Variants in RC3H1 observed in about 807,000 individuals in gnomAD.
RC3H1 encodes ring finger and CCCH-type domains 1, also known as roquin-1.
RC3H1 carries 50 observed loss-of-function variants against 138.2 expected under a neutral mutation model. The ratio of observed to expected loss-of-function variants is 0.36; its 90% confidence interval spans 0.29 to 0.46. The LOEUF is 0.46. Among genes scored for constraint, RC3H1 ranks in the 20% least tolerant of loss-of-function variants. RC3H1 has a pLI of 1.00. For missense variants in RC3H1, 1,031 were observed against 1,388.1 expected (o/e 0.74, Z 4.09); for synonymous variants, 462 against 489.1 (o/e 0.94, Z 0.73).
intron 18 of RC3H1, among the ~76,000 whole-genome samples, chr1:173,942,725 G>C (rs1328994604): frequency 6.6e-6 from 1 of 151,922 alleles, no homozygotes; most frequent in Non-Finnish European, 1.5e-5. Context: ...AGCTACTTGG[G>C]AGGCTGAGGT....
intron 1 of RC3H1, among the ~76,000 whole-genome samples, chr1:174,012,251 T>C: frequency 6.6e-6 from 1 of 151,594 alleles, no homozygotes; most frequent in African/African-American, 2.4e-5. Context: ...ATAGGTAACA[T>C]ATGAAGGGAC....
At chr1:173,992,223 C>A (rs1036377199) in intron 2 of RC3H1, among the ~76,000 whole-genome samples, 1 of 152,204 alleles carries the variant, frequency 6.6e-6, no homozygotes, top group African/African-American at 2.4e-5. Flanking sequence ...CGGCTCACTG[C>A]AACCTCTGCC....
Position 173,993,085 on chromosome 1 carries a change from T to TCAAAGA in RC3H1, c.-101_-100insTCTTTG. On this transcript the variant is annotated 5_prime_UTR_variant, in exon 2 of 20. Coordinates refer to ENST00000367696, the MANE Select transcript of RC3H1 (RefSeq NM_172071.4). ...CTTTGAAAAAAAGTTTATCTTTTTT[T>TCAAAGA]TTTTTAAATATCTTCTGTAGATACA... 2.4e-6 allele frequency: 2 copies of TCAAAGA among 847,362 alleles called. No individual in the cohort carries two copies. The highest frequency in any genetic ancestry group is 3.7e-6 in the Non-Finnish European group (2 of 538,298). 52.5% of individuals were successfully genotyped at this position (847,362 alleles called of 1,614,324 possible). A position where few individuals can be genotyped will look rare whatever the true frequency, so the allele number is the denominator to read the frequency against.
At chr1:173,991,430 T>C (rs573123122) in intron 2 of RC3H1, among the ~76,000 whole-genome samples, 22 of 152,340 alleles carry the variant, frequency 1.4e-4, no homozygotes, top group African/African-American at 5.3e-4. Flanking sequence ...TTGTTTTTAT[T>C]TTTTACTTCT....
At chr1:174,004,041 A>G (rs975543800) in intron 1 of RC3H1, among the ~76,000 whole-genome samples, 34 of 147,690 alleles carry the variant, frequency 2.3e-4, no homozygotes, top group African/African-American at 7.8e-4. Context: ...AAATTATTTT[A>G]TATATATGAT....
chr1:173,976,569 A>G (rs1051619538), intron 7 of RC3H1, among the ~76,000 whole-genome samples: 1 of 152,210 alleles, frequency 6.6e-6, no homozygotes, highest in African/African-American at 2.4e-5. Flanking sequence ...GTTTGGATAG[A>G]GCAGTGGAGA....
intron 1 of RC3H1, among the ~76,000 whole-genome samples, chr1:173,993,574 G>A (rs1422822760): frequency 1.3e-5 from 2 of 151,718 alleles, no homozygotes; most frequent in Non-Finnish European, 2.9e-5. Flanking sequence ...TGTATTTTTA[G>A]TAGAGACGGG....
rs150406996 is a variant in RC3H1 at position 173,972,866 on chromosome 1, T to C, written c.1103-239A>G. Among the ~76,000 whole-genome samples, 254 of 152,270 alleles carry C rather than the reference T, an allele frequency of 1.7e-3. 1 individual carries two copies. The highest frequency in any genetic ancestry group is 5.8e-3 in the African/African-American group (242 of 41,564). ...AGAAAGGTAACATGAAAGAGGTAAA[T>C]AGGCCACACAATAGTGGTAACTGTC... On this transcript the variant is annotated intron_variant, in intron 7 of 19. Coordinates refer to ENST00000367696, the MANE Select transcript of RC3H1 (RefSeq NM_172071.4).
At chr1:173,981,723 T>C (rs1057222487) in intron 5 of RC3H1, among the ~76,000 whole-genome samples, 1 of 152,064 alleles carries the variant, frequency 6.6e-6, no homozygotes, top group African/African-American at 2.4e-5. Context: ...TGGAGTTTTG[T>C]GGGATGGGCT....
At chr1:173,954,816 C>T (rs1028975497) in intron 13 of RC3H1, among the ~76,000 whole-genome samples, 5 of 152,006 alleles carry the variant, frequency 3.3e-5, no homozygotes, top group Non-Finnish European at 7.4e-5. Context: ...AAAACAGAAA[C>T]ATTTAAAATT....
chr1:173,949,132 G>C (rs1484220691), intron 14 of RC3H1, among the ~76,000 whole-genome samples: 1 of 104,206 alleles, frequency 9.6e-6, no homozygotes, highest in South Asian at 4.3e-4. Flanking sequence ...ATTTTTTTGG[G>C]GGGGGGGGTG....
intron 5 of RC3H1, among the ~76,000 whole-genome samples, chr1:173,982,271 C>T (rs1270200941): frequency 1.3e-5 from 2 of 151,094 alleles, no homozygotes; most frequent in African/African-American, 4.9e-5. Context: ...CCCAGCTACT[C>T]GGGAGGCTGA....
rs1658637250 is a variant in RC3H1, at chr1:173,937,113, T to C, written c.*1608A>G. The stretch of plus-strand genomic sequence containing the variant: ...TGCCTTGACTGGGCAAATTAAATAA[T>C]TGCTACTCAAAAGAGTGTTCTGTTT... On this transcript the variant is annotated 3_prime_UTR_variant, in exon 20 of 20. Transcript: ENST00000367696. The C allele has an allele frequency of 6.6e-6, 1 of 152,386 alleles. No individual in the cohort carries two copies. The highest frequency in any genetic ancestry group is 2.4e-5 in the African/African-American group (1 of 41,366). The allele number at this position is 152,386 out of a possible 1,614,324, so 9.4% of individuals were successfully genotyped here. A position where few individuals can be genotyped will look rare whatever the true frequency, so the allele number is the denominator to read the frequency against.
Position 173,938,880 on chromosome 1 carries a change from AT to A in RC3H1, c.3252-10del. 6.4e-7 allele frequency: 1 copy of A among 1,572,036 alleles called. No homozygotes were observed. Among genetic ancestry groups the A allele is most frequent in the Non-Finnish European group, 8.6e-7 (1 of 1,159,414 alleles). On this transcript the variant is annotated splice_polypyrimidine_tract_variant and intron_variant, in intron 19 of 19. Coordinates refer to ENST00000367696, the MANE Select transcript of RC3H1 (RefSeq NM_172071.4). ...ATCCATTTGGTACATCACTGCTGAC[AT>A]TTTAAAATTTTGAAAAAGGAGAGAG...
At chr1:173,995,956 G>C (rs1390610159) in intron 1 of RC3H1, among the ~76,000 whole-genome samples, 2 of 152,146 alleles carry the variant, frequency 1.3e-5, no homozygotes, top group African/African-American at 2.4e-5. Context: ...AGAAATCGAT[G>C]CAATTGAAAA....
intron 1 of RC3H1, among the ~76,000 whole-genome samples, chr1:174,014,743 A>G (rs959141328): frequency 3.9e-5 from 6 of 152,170 alleles, no homozygotes; most frequent in African/African-American, 1.2e-4. Context: ...AAGTATTACC[A>G]TTTCTGTTTT....
chr1:173,957,662 G>T lies in RC3H1; in HGVS notation c.2370+3415C>A, dbSNP rs6658688. Among the ~76,000 whole-genome samples the T allele has an allele frequency of 4.0e-3, 604 of 152,060 alleles. 5 individuals are homozygous for T. The highest frequency in any genetic ancestry group is 0.013 in the African/African-American group (523 of 41,478). On this transcript the variant is annotated intron_variant, in intron 13 of 19. Transcript: ENST00000367696. ...CCTCCCAGGTTCAAGCGATCCTCTCGATCTTCCCACCTCAGCCTCCCAAGT... is the reference window on the plus strand; with the variant it reads ...CCTCCCAGGTTCAAGCGATCCTCTCTATCTTCCCACCTCAGCCTCCCAAGT...
intron 1 of RC3H1, among the ~76,000 whole-genome samples, chr1:174,006,941 A>C (rs1351787998): frequency 3.3e-5 from 5 of 152,198 alleles, no homozygotes; most frequent in Non-Finnish European, 7.3e-5. Context: ...GAATTATCAC[A>C]AAGTGAGCAT....
At chr1:173,982,537 A>G (rs1431415316) in intron 5 of RC3H1, among the ~76,000 whole-genome samples, 190 bp downstream of exon 5, 2 of 152,208 alleles carry the variant, frequency 1.3e-5, no homozygotes, top group African/African-American at 2.4e-5. Flanking sequence ...AATATTGAAC[A>G]TACAAAAATT....
Sources: allele counts gnomAD v4.1 joint callset (sites outside exome capture counted in the v4.1 genomes callset), GRCh38; gene constraint gnomAD v4.1.1; transcripts MANE v1.5; gene names NCBI Gene and HGNC (gene_info 2026-07-23, HGNC 2026-07-21).